The following TMEM132C variants were observed in gnomAD, a reference collection of about 807,000 sequenced individuals.
TMEM132C encodes protein phosphatase 1, regulatory subunit 152.
In TMEM132C, 29 loss-of-function variants were observed where a neutral mutation model predicts 61.4. The observed-to-expected ratio is 0.47, with a 90% CI of 0.35 to 0.64. The LOEUF is 0.64. Ranked by LOEUF, TMEM132C falls within the 30% of genes least tolerant of loss-of-function variation. TMEM132C has a pLI of 0.00. For missense variants in TMEM132C, 1,408 were observed against 1,476.9 expected (o/e 0.95, Z 0.76); for synonymous variants, 656 against 633.1 (o/e 1.04, Z -0.54).
At chr12:128,270,742 A>G (rs538760077) in intron 1 of TMEM132C, among the ~76,000 whole-genome samples, 31 of 152,290 alleles carry the variant, frequency 2.0e-4, no homozygotes, top group African/African-American at 7.2e-4. Context: ...GTCCCTTCTT[A>G]TCCCTCAAGT....
intron 1 of TMEM132C, among the ~76,000 whole-genome samples, chr12:128,297,300 T>C (rs1593001801): frequency 6.6e-6 from 1 of 152,236 alleles, no homozygotes; most frequent in African/African-American, 2.4e-5. Flanking sequence ...CTGGACGTGA[T>C]GGCCTCCTGC....
At chr12:128,633,886 A>G (rs1954081112) in intron 4 of TMEM132C, among the ~76,000 whole-genome samples, 2 of 152,260 alleles carry the variant, frequency 1.3e-5, no homozygotes, top group Admixed American at 1.3e-4. Context: ...TATTCCCAAG[A>G]TAATGGGATA....
chr12:128,570,543 C>T lies in TMEM132C; in HGVS notation c.1121+26440C>T, dbSNP rs1218710945. Among the ~76,000 whole-genome samples, 3 of 151,988 alleles carry T rather than the reference C, an allele frequency of 2.0e-5. No individual in the cohort carries two copies. Among genetic ancestry groups the T allele is most frequent in the Non-Finnish European group, 2.9e-5 (2 of 67,986 alleles). On this transcript the variant is annotated intron_variant, in intron 3 of 8. Transcript: ENST00000435159. This position sits in a 1 kb window ranked among gnomAD's most constrained non-coding sequence, Gnocchi z 4.7. ...TAGATTGCAGAGGCCTAACGAAACA[C>T]GGCTTTTTTTTTTCCTTTGACTCAG...
At chr12:128,673,998 G>T (rs6486712) in intron 5 of TMEM132C, among the ~76,000 whole-genome samples, 1 of 152,142 alleles carries the variant, frequency 6.6e-6, no homozygotes, top group Admixed American at 6.5e-5. Context: ...GCTTAAAAAT[G>T]TAAGAATTGG....
intron 3 of TMEM132C, among the ~76,000 whole-genome samples, chr12:128,596,180 CG>C: frequency 6.9e-6 from 1 of 145,734 alleles, no homozygotes; most frequent in African/African-American, 2.7e-5. Flanking sequence ...TGACTGATCC[CG>C]TGTTCTCTCC....
At chr12:128,688,654 A>G (rs376937691) in intron 5 of TMEM132C, among the ~76,000 whole-genome samples, 18 of 152,228 alleles carry the variant, frequency 1.2e-4, no homozygotes, top group African/African-American at 4.1e-4. Flanking sequence ...CGTCTAGAAC[A>G]TCCAGGATAC....
chr12:128,602,093 T>C (rs1036784713), intron 3 of TMEM132C, among the ~76,000 whole-genome samples: 2 of 152,128 alleles, frequency 1.3e-5, no homozygotes, highest in African/African-American at 2.4e-5. Flanking sequence ...TCAGTACCTG[T>C]AGCCTAAGCT....
In TMEM132C at chr12:128,481,415, C is replaced by CT. The variant is rs532664094; in HGVS notation, c.975-62542_975-62541insT. On this transcript the variant is annotated intron_variant, in intron 2 of 8. Coordinates refer to ENST00000435159, the MANE Select transcript of TMEM132C (RefSeq NM_001136103.3). ...ACGGCTTTGGGGCCACGGCTCTTCACCTCTCTGCTGTCCAGAGTGCAGGAA... is the reference window on the plus strand; with the variant it reads ...ACGGCTTTGGGGCCACGGCTCTTCACTCTCTCTGCTGTCCAGAGTGCAGGAA... Among the ~76,000 whole-genome samples the CT allele has an allele frequency of 5.0e-3, 765 of 152,338 alleles. 3 individuals carry two copies. The highest frequency in any genetic ancestry group is 0.017 in the African/African-American group (724 of 41,566).
At chr12:128,466,943 T>G (rs964010699) in intron 2 of TMEM132C, among the ~76,000 whole-genome samples, 1 of 152,164 alleles carries the variant, frequency 6.6e-6, no homozygotes, top group Non-Finnish European at 1.5e-5. Flanking sequence ...TTCTTCATCC[T>G]GGTACCTGAT....
chr12:128,592,359 C>G (rs543074138), intron 3 of TMEM132C, among the ~76,000 whole-genome samples: 1 of 152,324 alleles, frequency 6.6e-6, no homozygotes, highest in Admixed American at 6.5e-5. Context: ...CAGAAGCTCC[C>G]GTGTTTGCAT....
chr12:128,392,480 G>C lies in TMEM132C; in HGVS notation c.86-22252G>C, dbSNP rs530682758. Among the ~76,000 whole-genome samples, 242 of 151,596 alleles carry C rather than the reference G, an allele frequency of 1.6e-3. 2 individuals carry two copies. The highest frequency in any genetic ancestry group is 0.013 in the South Asian group (64 of 4,742). On this transcript the variant is annotated intron_variant, in intron 1 of 8. Coordinates refer to ENST00000435159, the MANE Select transcript of TMEM132C (RefSeq NM_001136103.3). ...GCTTCTATTCCAGTTTCTCAAATAA[G>C]ATTTGAGTGTGAGAGAGCCTGACCC...
rs559958134 is a variant in TMEM132C, at chr12:128,479,619, G to T, written c.974+63999G>T. On this transcript the variant is annotated intron_variant, in intron 2 of 8. Coordinates refer to ENST00000435159, the MANE Select transcript of TMEM132C (RefSeq NM_001136103.3). The stretch of plus-strand genomic sequence containing the variant: ...CCGCGGCTGCCTTCACACTCCAGTG[G>T]CAGAGTTGAGCAGTTGCAAGAGACT... 5.3e-5 allele frequency among the ~76,000 whole-genome samples: 8 copies of T among 152,314 alleles called. No homozygotes were observed. The South Asian group carries it at 1.7e-3, about 32-fold the overall frequency.
Position 128,609,296 on chromosome 12 carries a change from G to A in TMEM132C, c.1122-6856G>A, listed in dbSNP as rs914264413. ...ACCTCCCTGCAACACTGTAGCCCCC[G>A]CCTCCCTGCAACCCTGCTATAACCT... On this transcript the variant is annotated intron_variant, in intron 3 of 8. Coordinates refer to ENST00000435159, the MANE Select transcript of TMEM132C (RefSeq NM_001136103.3). Among the ~76,000 whole-genome samples, 12 of 117,432 alleles carry A rather than the reference G, an allele frequency of 1.0e-4. 1 individual carries two copies. The highest frequency in any genetic ancestry group is 2.6e-4 in the African/African-American group (8 of 30,440). The allele number at this position is 117,432 out of a possible 152,430, so 77.0% of individuals were successfully genotyped here. A position where few individuals can be genotyped will look rare whatever the true frequency, so the allele number is the denominator to read the frequency against.
chr12:128,325,536 A>G (rs966195713), intron 1 of TMEM132C, among the ~76,000 whole-genome samples: 2 of 152,132 alleles, frequency 1.3e-5, no homozygotes, highest in Admixed American at 1.3e-4. Context: ...ACATGTATGT[A>G]TATATGTATA....
At chr12:128,628,726 C>T (rs1954041163) in intron 4 of TMEM132C, among the ~76,000 whole-genome samples, 1 of 152,180 alleles carries the variant, frequency 6.6e-6, no homozygotes, top group African/African-American at 2.4e-5. Context: ...TCTGCCTGCT[C>T]CACCCGGAGG....
chr12:128,271,032 T>A (rs756600039), intron 1 of TMEM132C, among the ~76,000 whole-genome samples: 20 of 151,916 alleles, frequency 1.3e-4, no homozygotes, highest in Non-Finnish European at 2.5e-4. Flanking sequence ...AGACAGTGGA[T>A]CACTTGAGGG....
At chr12:128,437,810 C>T (rs775519991) in intron 2 of TMEM132C, 1 of 152,136 alleles carries the variant, frequency 6.6e-6, no homozygotes, top group Non-Finnish European at 1.5e-5. Context: ...GAGGACAGCC[C>T]CCATCTCTTG....
intron 3 of TMEM132C, among the ~76,000 whole-genome samples, chr12:128,593,665 A>T (rs577810080): frequency 6.6e-6 from 1 of 152,274 alleles, no homozygotes; most frequent in East Asian, 1.9e-4. Context: ...GGACTGTGTG[A>T]GCTGAGGCAC....
At chr12:128,445,003 G>A (rs886399105) in intron 2 of TMEM132C, among the ~76,000 whole-genome samples, 2 of 152,072 alleles carry the variant, frequency 1.3e-5, no homozygotes, top group Admixed American at 1.3e-4. Flanking sequence ...CCCGCCGTTG[G>A]GGTTAATTGA....
Sources: allele counts gnomAD v4.1 joint callset (sites outside exome capture counted in the v4.1 genomes callset), GRCh38; gene constraint gnomAD v4.1.1; non-coding constraint Gnocchi (gnomAD v3.1); transcripts MANE v1.5; gene names NCBI Gene and HGNC (gene_info 2026-07-23, HGNC 2026-07-21).